The following SV2B variants were observed in gnomAD, a reference collection of about 807,000 sequenced individuals.
SV2B encodes the protein solute carrier family 22 member B2.
Under a neutral mutation model 73.9 loss-of-function variants are expected in SV2B, and 41 were observed. That is an observed-to-expected ratio of 0.56 (90% CI 0.43 to 0.72). The LOEUF (loss-of-function observed/expected upper bound fraction) is 0.72, where lower values mean the gene tolerates loss of function less well. SV2B is among the 30% of genes least tolerant of loss of function. The probability of loss-of-function intolerance (pLI) is 0.00; values close to 1 mark genes in which losing one functional copy is unlikely to be tolerated. For synonymous variants in SV2B, 314 were observed against 314.2 expected, an observed-to-expected ratio of 1.00 and a Z score of 0.01; for missense variants, 764 against 857.8, an observed-to-expected ratio of 0.89 and a Z score of 1.37.
chr15:91,206,748 C>G (rs1260605953), intron 1 of SV2B, among the ~76,000 whole-genome samples: 1 of 152,008 alleles, frequency 6.6e-6, no homozygotes, highest in Non-Finnish European at 1.5e-5. Context: ...CGACCTAGTA[C>G]CTGTTATGTT....
intron 2 of SV2B, among the ~76,000 whole-genome samples, chr15:91,230,515 T>G (rs1051520581): frequency 6.6e-6 from 1 of 152,228 alleles, no homozygotes; most frequent in Non-Finnish European, 1.5e-5. Context: ...AGATGAATGT[T>G]TGCTTCTCTT....
intron 10 of SV2B, among the ~76,000 whole-genome samples, 193 bp downstream of exon 10, chr15:91,282,054 T>C (rs1239221063): frequency 6.6e-6 from 1 of 152,248 alleles, no homozygotes; most frequent in Non-Finnish European, 1.5e-5. Flanking sequence ...GCTAAGGCAT[T>C]TAATGTATCT....
intron 1 of SV2B, among the ~76,000 whole-genome samples, chr15:91,156,898 A>G (rs559761802): frequency 4.6e-5 from 7 of 152,134 alleles, no homozygotes; most frequent in Admixed American, 2.6e-4. Flanking sequence ...GCTAATTGCA[A>G]TTTTTGTTTT....
intron 1 of SV2B, among the ~76,000 whole-genome samples, chr15:91,213,469 A>G (rs967252291): frequency 1.3e-5 from 2 of 152,148 alleles, no homozygotes; most frequent in Admixed American, 6.5e-5. Flanking sequence ...AGGTAAAGGT[A>G]TGTATCTCCT....
rs1341966745 is a variant in SV2B, at chr15:91,223,408, C to T, written c.-391-2465C>T. Among the ~76,000 whole-genome samples, 1 of 152,232 alleles carries T rather than the reference C, an allele frequency of 6.6e-6. No homozygotes were observed. Among genetic ancestry groups the T allele is most frequent in the Non-Finnish European group, 1.5e-5 (1 of 68,032 alleles). ...TTTACTCCACTGCACTTGACATTCA[C>T]AGCAGGTCTTTTAACTGAATCAGGT... On this transcript the variant is annotated intron_variant, in intron 1 of 12. Coordinates refer to ENST00000394232, the MANE Select transcript of SV2B (RefSeq NM_001323032.3). The surrounding 1 kb of genome is among the most constrained non-coding windows in gnomAD (Gnocchi z 4.6).
intron 1 of SV2B, among the ~76,000 whole-genome samples, chr15:91,225,119 G>C (rs992707609): frequency 6.6e-6 from 1 of 152,328 alleles, no homozygotes; most frequent in Admixed American, 6.5e-5. Flanking sequence ...GAAAATTGAG[G>C]CTTGGAAAGA....
chr15:91,267,113 C>G lies in SV2B; in HGVS notation c.1119+421C>G, dbSNP rs908987858. Among the ~76,000 whole-genome samples, 1 of 152,192 alleles carries G rather than the reference C, an allele frequency of 6.6e-6. No homozygotes were observed. Among genetic ancestry groups the G allele is most frequent in the Admixed American group, 6.5e-5 (1 of 15,276 alleles). ...CCATTTCTCTGGAGCACTGGCTCCT[C>G]CAAGTAGGGAGCCAGTCAGCTATTG... On this transcript the variant is annotated intron_variant, in intron 7 of 12. Coordinates refer to ENST00000394232, the MANE Select transcript of SV2B (RefSeq NM_001323032.3). This position sits in a 1 kb window ranked among gnomAD's most constrained non-coding sequence, Gnocchi z 4.3.
intron 9 of SV2B, among the ~76,000 whole-genome samples, chr15:91,269,083 A>C (rs1331546823): frequency 2.0e-5 from 3 of 152,082 alleles, no homozygotes; most frequent in South Asian, 2.1e-4. Flanking sequence ...TATGGTCCAC[A>C]GTCAGCTAGG....
At chr15:91,116,170 T>C (rs2042173078) in intron 1 of SV2B, among the ~76,000 whole-genome samples, 1 of 152,152 alleles carries the variant, frequency 6.6e-6, no homozygotes, top group Non-Finnish European at 1.5e-5. Context: ...GCATTCTCCC[T>C]GTGCATAGGA....
Position 91,284,521 on chromosome 15 carries a change from C to G in SV2B, c.1708+300C>G, listed in dbSNP as rs541811037. On this transcript the variant is annotated intron_variant, in intron 11 of 12. Coordinates refer to ENST00000394232, the MANE Select transcript of SV2B (RefSeq NM_001323032.3). The surrounding 1 kb of genome is among the most constrained non-coding windows in gnomAD (Gnocchi z 4.5). ...TCAATAAGGGTAGTAATAATATCCA[C>G]CCTGCCTCTTCATCCGATTATTGTC... Among the ~76,000 whole-genome samples, 1 of 152,318 alleles carries G rather than the reference C, an allele frequency of 6.6e-6. No homozygotes were observed. The highest frequency in any genetic ancestry group is 2.1e-4 in the South Asian group (1 of 4,822).
Position 91,121,837 on chromosome 15 carries a change from C to T in SV2B, c.-392+21474C>T, listed in dbSNP as rs1432196663. 4.0e-5 allele frequency among the ~76,000 whole-genome samples: 6 copies of T among 150,878 alleles called. No homozygotes were observed. The highest frequency in any genetic ancestry group is 7.3e-5 in the African/African-American group (3 of 40,930). On this transcript the variant is annotated intron_variant, in intron 1 of 12. Transcript: ENST00000394232. This position sits in a 1 kb window ranked among gnomAD's most constrained non-coding sequence, Gnocchi z 4.4. ...TCACCCAGGCTGGAGTGCAGTGGCG[C>T]GATCTCGGCTCACTGCAAGCTCTGC...
chr15:91,254,900 A>G (rs1333763367), intron 4 of SV2B, among the ~76,000 whole-genome samples: 1 of 152,164 alleles, frequency 6.6e-6, no homozygotes, highest in African/African-American at 2.4e-5. Flanking sequence ...CTCACACTTG[A>G]CCAATGAGAA....
chr15:91,249,068 TCACACACACA>T (rs59552488), intron 2 of SV2B, among the ~76,000 whole-genome samples: 2,388 of 141,776 alleles, frequency 0.017, 28 homozygotes, highest in Admixed American at 0.029. Context: ...ATCTACGTTT[TCACACACACA>T]CACACACACA....
chr15:91,238,707 A>T (rs564564486), intron 2 of SV2B, among the ~76,000 whole-genome samples: 1 of 152,196 alleles, frequency 6.6e-6, no homozygotes, highest in South Asian at 2.1e-4. Flanking sequence ...GGGAAACTGC[A>T]GGGGTCTGCA....
chr15:91,285,740 T>A (rs1014708649), intron 11 of SV2B, among the ~76,000 whole-genome samples: 3 of 152,148 alleles, frequency 2.0e-5, no homozygotes. Flanking sequence ...AGTTTACCAA[T>A]GGAGTCTCTG....
In SV2B at chr15:91,199,758, G is replaced by A. The variant is rs192654372; in HGVS notation, c.-391-26115G>A. Reference sequence around the variant, plus strand: ...AGAGGCTTAATGGAAATTTTTGGACGCACACAGCGGGGATGAGGACTTGGA... The same window carrying A: ...AGAGGCTTAATGGAAATTTTTGGACACACACAGCGGGGATGAGGACTTGGA... On this transcript the variant is annotated intron_variant, in intron 1 of 12. Coordinates refer to ENST00000394232, the MANE Select transcript of SV2B (RefSeq NM_001323032.3). Among the ~76,000 whole-genome samples, 548 of 152,324 alleles carry A rather than the reference G, an allele frequency of 3.6e-3. 2 individuals are homozygous for A. Among genetic ancestry groups the A allele is most frequent in the African/African-American group, 0.013 (521 of 41,574 alleles).
intron 1 of SV2B, among the ~76,000 whole-genome samples, chr15:91,158,608 A>C (rs2043571434): frequency 7.0e-6 from 1 of 142,802 alleles, no homozygotes; most frequent in East Asian, 2.1e-4. Context: ...GGCCTAGAGA[A>C]AGGGTGGCCT....
chr15:91,125,456 A>G (rs1193903045), intron 1 of SV2B, among the ~76,000 whole-genome samples: 1 of 152,080 alleles, frequency 6.6e-6, no homozygotes, highest in Admixed American at 6.5e-5. Flanking sequence ...AGTCAGTGCA[A>G]GGAGTGAGGC....
rs8038917 is a variant in SV2B, at chr15:91,157,054, G to C, written c.-392+56691G>C. On this transcript the variant is annotated intron_variant, in intron 1 of 12. Transcript: ENST00000394232. ...TGTAGACTAAGTCAGTCAGGGAATGGTTAAGGCCCTGTGCGTATCAAACAC... is the reference window on the plus strand; with the variant it reads ...TGTAGACTAAGTCAGTCAGGGAATGCTTAAGGCCCTGTGCGTATCAAACAC... Among the ~76,000 whole-genome samples, 475 of 152,314 alleles carry C rather than the reference G, an allele frequency of 3.1e-3. 13 individuals are homozygous for C. The highest frequency in any genetic ancestry group is 0.011 in the African/African-American group (450 of 41,572).
Sources: allele counts gnomAD v4.1 joint callset (sites outside exome capture counted in the v4.1 genomes callset), GRCh38; gene constraint gnomAD v4.1.1; non-coding constraint Gnocchi (gnomAD v3.1); transcripts MANE v1.5; gene names NCBI Gene and HGNC (gene_info 2026-07-23, HGNC 2026-07-21).